The following NMBR variants were observed in gnomAD, a reference collection of about 807,000 sequenced individuals.
NMBR encodes the protein neuromedin-B receptor.
Under a neutral mutation model 20.5 loss-of-function variants are expected in NMBR, and 16 were observed. The ratio of observed to expected loss-of-function variants is 0.78; its 90% CI spans 0.53 to 1.19. The LOEUF (loss-of-function observed/expected upper bound fraction) is 1.19. Ranked by LOEUF, NMBR falls within the 50% of genes most tolerant of loss-of-function variation. The probability of loss-of-function intolerance (pLI) is 0.00; values close to 1 mark genes in which losing one functional copy is unlikely to be tolerated. For missense variants in NMBR, 582 were observed against 499.1 expected, an observed-to-expected ratio of 1.17 and a Z score of -1.58; for synonymous variants, 212 against 196.6, an observed-to-expected ratio of 1.08 and a Z score of -0.65.
chr6:142,095,192 G>A (rs937224857), intron 1 of NMBR, among the ~76,000 whole-genome samples: 2 of 151,994 alleles, frequency 1.3e-5, no homozygotes, highest in African/African-American at 4.8e-5. Context: ...ACACTATGTT[G>A]AATAGGAGTG....
chr6:142,134,456 A>G, intron 1 of NMBR: 1 of 459,004 alleles, frequency 2.2e-6, no homozygotes. Context: ...GTTGAGAGTT[A>G]GTGGGGTTTT....
chr6:142,134,536 T>C, intron 1 of NMBR: 1 of 540,826 alleles, frequency 1.8e-6, no homozygotes, highest in Non-Finnish European at 3.2e-6. Context: ...TTAGGTGTTC[T>C]AGGCATTACA....
chr6:142,145,202 A>T (rs1490558343), intron 1 of NMBR, among the ~76,000 whole-genome samples: 1 of 152,150 alleles, frequency 6.6e-6, no homozygotes, highest in Admixed American at 6.5e-5. Flanking sequence ...ATGTATGCAA[A>T]TGAGAAAGAG....
At chr6:142,145,021 A>G (rs538332722) in intron 1 of NMBR, among the ~76,000 whole-genome samples, 27 of 12,308 alleles carry the variant, frequency 2.2e-3, no homozygotes, top group Non-Finnish European at 4.3e-3. Context: ...GAACCTGTCT[A>G]AAAAAAAAAA....
Position 142,075,583 on chromosome 6 carries a change from A to G in NMBR, c.*65T>C. 1 of 1,457,484 alleles carries G rather than the reference A, an allele frequency of 6.9e-7. No homozygotes were observed. 90.3% of individuals were successfully genotyped at this position (1,457,484 alleles called of 1,614,324 possible). Reference sequence around the variant, plus strand: ...ATTAGCTAAGCAACAGCAAGTTCTGATCTGCCGAATAGGAATTTTAACAGT... The same window carrying G: ...ATTAGCTAAGCAACAGCAAGTTCTGGTCTGCCGAATAGGAATTTTAACAGT... On this transcript the variant is annotated 3_prime_UTR_variant, in exon 4 of 4. Transcript: ENST00000258042.
chr6:142,113,634 T>C (rs1777807420), intron 1 of NMBR, among the ~76,000 whole-genome samples: 1 of 152,176 alleles, frequency 6.6e-6, no homozygotes, highest in South Asian at 2.1e-4. Flanking sequence ...AGTCTTTCTA[T>C]CATATACATA....
intron 1 of NMBR, among the ~76,000 whole-genome samples, chr6:142,123,850 G>A (rs907220696): frequency 7.9e-5 from 12 of 151,950 alleles, no homozygotes; most frequent in South Asian, 2.1e-4. Context: ...CCCATAAGCC[G>A]TAGTTTGCCG....
At chr6:142,091,118 T>C (rs1220661784) in intron 1 of NMBR, among the ~76,000 whole-genome samples, 1 of 152,230 alleles carries the variant, frequency 6.6e-6, no homozygotes, top group Non-Finnish European at 1.5e-5. Context: ...GTTATAATAA[T>C]GTGTTATTTA....
chr6:142,143,637 A>T (rs1778389563), intron 1 of NMBR, among the ~76,000 whole-genome samples: 1 of 152,220 alleles, frequency 6.6e-6, no homozygotes, highest in Non-Finnish European at 1.5e-5. Context: ...CTCATTTGTA[A>T]CTTTAGTCAT....
rs545130595 is a variant in NMBR, at chr6:142,090,162, C to T, written c.-663-841G>A. 1.8e-4 allele frequency among the ~76,000 whole-genome samples: 27 copies of T among 152,144 alleles called. 1 individual carries two copies. Among genetic ancestry groups the T allele is most frequent in the Admixed American group, 2.6e-4 (4 of 15,262 alleles). On this transcript the variant is annotated intron_variant, in intron 1 of 3. Coordinates refer to ENST00000258042, the MANE Select transcript of NMBR (RefSeq NM_002511.4). ...CACCACCATCTGAGTCTAATGTAAACTGATCAGAAATGGTGGCTCAGTTCT... is the reference window on the plus strand; with the variant it reads ...CACCACCATCTGAGTCTAATGTAAATTGATCAGAAATGGTGGCTCAGTTCT...
chr6:142,141,714 C>A (rs546068252), intron 1 of NMBR, among the ~76,000 whole-genome samples: 1 of 152,200 alleles, frequency 6.6e-6, no homozygotes, highest in South Asian at 2.1e-4. Context: ...CCATGTTGGC[C>A]AGGCTGTCTC....
At position 142,088,557 on chromosome 6, in the gene NMBR, G is replaced by A. The variant is rs112415060; in HGVS notation, c.102C>T (p.Asp34=). The A allele has an allele frequency of 1.3e-3, 2,074 of 1,613,810 alleles. 23 individuals carry two copies. In the African/African-American group the frequency reaches 0.025, roughly 19 times the overall value. The change falls in exon 2 of 4, where the codon GAC becomes GAT. Residue 34 remains aspartate (D), a synonymous_variant. Coordinates refer to ENST00000258042, the MANE Select transcript of NMBR (RefSeq NM_002511.4). ...GWERDFLPAS[D]GTTTELVIRC... is the part of the protein sequence containing the mutation. The stretch of plus-strand genomic sequence containing the variant: ...GGATCACCAACTCCGTGGTGGTCCC[G>A]TCCGAGGCCGGCAGGAAATCCCTTT...
At chr6:142,077,190 A>G (rs1776967886) in intron 3 of NMBR, among the ~76,000 whole-genome samples, 1 of 152,226 alleles carries the variant, frequency 6.6e-6, no homozygotes, top group Admixed American at 6.5e-5. Context: ...ATTCAAGTGC[A>G]CAGGCAGGCT....
In NMBR at chr6:142,075,099, C is replaced by CAT. The variant is rs916824986; in HGVS notation, c.*547_*548dup. Among the ~76,000 whole-genome samples, 70 of 115,422 alleles carry CAT rather than the reference C, an allele frequency of 6.1e-4. No individual in the cohort carries two copies. The highest frequency in any genetic ancestry group is 4.0e-3 in the East Asian group (11 of 2,772). The allele number at this position is 115,422 out of a possible 152,430, so 75.7% of individuals were successfully genotyped here. Reference sequence around the variant, plus strand: ...GTGTGTGTGTACATATATACATATACATATATATATACACACACACACACA... The same window carrying CAT: ...GTGTGTGTGTACATATATACATATACATATATATATATACACACACACACACA... On this transcript the variant is annotated 3_prime_UTR_variant, in exon 4 of 4. Coordinates refer to ENST00000258042, the MANE Select transcript of NMBR (RefSeq NM_002511.4).
intron 1 of NMBR, among the ~76,000 whole-genome samples, chr6:142,135,536 G>A (rs1778237174): frequency 6.6e-6 from 1 of 151,434 alleles, no homozygotes; most frequent in Non-Finnish European, 1.5e-5. Flanking sequence ...GGGTACATGT[G>A]CACAATGTGC....
intron 1 of NMBR, among the ~76,000 whole-genome samples, chr6:142,132,129 CAAATACATGTAT>C (rs1305132115): frequency 6.6e-6 from 1 of 152,140 alleles, no homozygotes; most frequent in African/African-American, 2.4e-5. Flanking sequence ...TTATTGGTTA[CAAATACATGTAT>C]CATGCAGTCA....
intron 1 of NMBR, among the ~76,000 whole-genome samples, chr6:142,131,952 A>C (rs1778151006): frequency 6.6e-6 from 1 of 152,218 alleles, no homozygotes; most frequent in African/African-American, 2.4e-5. Context: ...TTTAGATGTC[A>C]CTTCTTGGGA....
chr6:142,096,062 G>C (rs1777445097), intron 1 of NMBR, among the ~76,000 whole-genome samples: 1 of 151,814 alleles, frequency 6.6e-6, no homozygotes, highest in Admixed American at 6.6e-5. Context: ...TATTAGTCTT[G>C]CTAGCAGTCT....
In NMBR at chr6:142,087,560, C is replaced by T. The variant is rs1195053430; in HGVS notation, c.422+677G>A. Among the ~76,000 whole-genome samples, 6 of 152,106 alleles carry T rather than the reference C, an allele frequency of 3.9e-5. No individual in the cohort carries two copies. The East Asian group carries it at 1.2e-3, about 29-fold the overall frequency. The stretch of plus-strand genomic sequence containing the variant: ...TTGATGTGCAAAATAGAATAATGGA[C>T]ACTTCACACCCTTAACATATGTCAA... On this transcript the variant is annotated intron_variant, in intron 2 of 3. Coordinates refer to ENST00000258042, the MANE Select transcript of NMBR (RefSeq NM_002511.4).
Sources: gnomAD v4.1 joint callset for allele counts (sites outside exome capture counted in the v4.1 genomes callset) on GRCh38, gnomAD v4.1.1 for gene constraint, MANE v1.5 for transcripts, NCBI Gene and HGNC (gene_info 2026-07-23, HGNC 2026-07-21) for gene names.